The following ZMYND19 variants were observed in gnomAD, a reference collection of about 807,000 sequenced individuals.
ZMYND19 encodes zinc finger MYND-type containing 19, also known as zinc finger MYND domain-containing protein 19.
ZMYND19 carries 17 observed loss-of-function variants against 32.0 expected under a neutral mutation model. The observed-to-expected ratio is 0.53, with a 90% confidence interval of 0.36 to 0.80. The LOEUF is 0.80. Ranked by LOEUF, ZMYND19 falls within the 30% of genes least tolerant of loss-of-function variation. The probability of loss-of-function intolerance (pLI) is 0.00; values close to 1 mark genes in which losing one functional copy is unlikely to be tolerated. For synonymous variants in ZMYND19, 124 were observed against 113.6 expected (o/e 1.09, Z -0.58); for missense variants, 250 against 293.6 (o/e 0.85, Z 1.09).
chr9:137,588,823 G>GTGGAAAGTAAC, intron 1 of ZMYND19, 105 bp from the exon 2 acceptor site: 2 of 1,361,848 alleles, frequency 1.5e-6, no homozygotes, highest in Non-Finnish European at 2.1e-6. Flanking sequence ...TTCCTGTGAA[G>GTGGAAAGTAAC]TGGAAAGTAA....
At chr9:137,587,637 G>A in intron 3 of ZMYND19, 80 bp downstream of exon 3, 1 of 1,281,038 alleles carries the variant, frequency 7.8e-7, no homozygotes, top group Non-Finnish European at 1.1e-6. Flanking sequence ...AGCGGGGCAG[G>A]GGGCTCCAGG....
chr9:137,587,251 G>C (rs1842216283), intron 3 of ZMYND19, 144 bp from the exon 4 acceptor site: 2 of 1,360,612 alleles, frequency 1.5e-6, no homozygotes, highest in East Asian at 2.4e-5. Context: ...TTGGATGAGG[G>C]TACCTCAGGC....
intron 1 of ZMYND19, chr9:137,589,988 G>A (rs567577151): frequency 2.6e-5 from 26 of 985,266 alleles, no homozygotes; most frequent in Middle Eastern, 1.0e-3. Context: ...GCCGAGGGTG[G>A]CCAGGTGCAC....
intron 1 of ZMYND19, 87 bp from the exon 2 acceptor site, chr9:137,588,805 G>A (rs1238041908): frequency 6.6e-6 from 10 of 1,510,976 alleles, no homozygotes; most frequent in Middle Eastern, 1.7e-4. Context: ...GCAGGAGCCT[G>A]TTGCATTTTC....
rs1219465669 is a variant in ZMYND19 at position 137,589,024 on chromosome 9, A to G, written c.52-306T>C. ...CCCCAACAGTGGCACTGAACATTCA[A>G]CGCACCAATAAACCTAGGCAAAGAC... On this transcript the variant is annotated intron_variant, in intron 1 of 5. Transcript: ENST00000298585. 1.7e-5 allele frequency: 6 copies of G among 352,986 alleles called. No homozygotes were observed. In the Admixed American group the frequency reaches 2.1e-4, roughly 12 times the overall value. 21.9% of individuals were successfully genotyped at this position (352,986 alleles called of 1,614,324 possible).
chr9:137,589,329 G>A (rs975509079), intron 1 of ZMYND19: 12 of 985,264 alleles, frequency 1.2e-5, no homozygotes, highest in Non-Finnish European at 2.4e-6. Flanking sequence ...GCAGGGGCAG[G>A]AAACAGGAAC....
Position 137,587,835 on chromosome 9 carries a change from C to A in ZMYND19, c.112-12G>T. ...ACTTCCATTCGGGCCTGAGAAGGAACAAGGGAAAGAGCTGTTAAAAAACCT... is the reference window on the plus strand; with the variant it reads ...ACTTCCATTCGGGCCTGAGAAGGAAAAAGGGAAAGAGCTGTTAAAAAACCT... On this transcript the variant is annotated splice_polypyrimidine_tract_variant and intron_variant, in intron 2 of 5. Transcript: ENST00000298585. The A allele has an allele frequency of 6.2e-7, 1 of 1,612,646 alleles. No individual in the cohort carries two copies. Among genetic ancestry groups the A allele is most frequent in the Non-Finnish European group, 8.5e-7 (1 of 1,178,756 alleles).
chr9:137,584,426 T>C (rs942957803), intron 4 of ZMYND19, among the ~76,000 whole-genome samples: 9 of 152,216 alleles, frequency 5.9e-5, no homozygotes, highest in African/African-American at 2.2e-4. Flanking sequence ...TAACGGCAGT[T>C]ATCTCCTCTC....
chr9:137,588,434 T>A (rs1256598832), intron 2 of ZMYND19, among the ~76,000 whole-genome samples: 1 of 147,624 alleles, frequency 6.8e-6, no homozygotes, highest in Non-Finnish European at 1.5e-5. Context: ...AAGACCACTG[T>A]CGCCAGGCCA....
Position 137,583,103 on chromosome 9 carries a change from C to A in ZMYND19, c.420G>T (p.Gln140His). Residue 140 changes from glutamine (Q) to histidine (H), a missense_variant, in exon 5 of 6, where the codon CAG becomes CAT. Physicochemically the swap from Gln to His is conservative, Grantham distance 24. Coordinates refer to ENST00000298585, the MANE Select transcript of ZMYND19 (RefSeq NM_138462.3). ...ACCGGGTCACATTTAGGACAGGAAA[C>A]TGTTCTTCTATAGGGTCTGTAGGCA... ...QQLPTDPIEE[Q>H]FPVLNVTRYY... is the part of the protein sequence containing the mutation. 1.2e-6 allele frequency: 2 copies of A among 1,614,212 alleles called. No individual in the cohort carries two copies. Among genetic ancestry groups the A allele is most frequent in the Non-Finnish European group, 1.7e-6 (2 of 1,180,038 alleles).
Position 137,590,235 on chromosome 9 carries a change from C to T in ZMYND19, c.29G>A (p.Arg10Gln). The change falls in exon 1 of 6, where the codon CGG becomes CAG. Residue 10 changes from arginine to glutamine, a missense_variant. Transcript: ENST00000298585. The surrounding 1 kb of genome is among the most constrained non-coding windows in gnomAD (Gnocchi z 4.2). Reference protein sequence around the residue: MTDFKLGIVRLGRVAGKTKY... With the variant: MTDFKLGIVQLGRVAGKTKY... ...CACCTTCCCGGCCACCCGGCCGAGC[C>T]GCACGATACCCAATTTGAAGTCGGT... is the stretch of plus-strand genomic sequence containing the variant. 8.7e-7 allele frequency: 1 copy of T among 1,151,250 alleles called. No homozygotes were observed. Among genetic ancestry groups the T allele is most frequent in the Non-Finnish European group, 1.1e-6 (1 of 920,194 alleles). The allele number at this position is 1,151,250 out of a possible 1,614,324, so 71.3% of individuals were successfully genotyped here. A position where few individuals can be genotyped will look rare whatever the true frequency, so the allele number is the denominator to read the frequency against.
At chr9:137,585,565 A>G (rs1842195342) in intron 4 of ZMYND19, among the ~76,000 whole-genome samples, 1 of 152,162 alleles carries the variant, frequency 6.6e-6, no homozygotes, top group Admixed American at 6.6e-5. Context: ...CCAGCCCAAC[A>G]AGAACGAAAG....
chr9:137,590,331 G>GGCCGCGGCGCGCC lies in ZMYND19; in HGVS notation c.-81_-69dup, dbSNP rs953168947. 156 of 972,586 alleles carry GGCCGCGGCGCGCC rather than the reference G, an allele frequency of 1.6e-4. No homozygotes were observed. The highest frequency in any genetic ancestry group is 1.9e-4 in the Non-Finnish European group (152 of 813,170). The allele number at this position is 972,586 out of a possible 1,614,324, so 60.2% of individuals were successfully genotyped here. ...AGGCGCCGAGCGGGGGCCGGGGCGAGGCCGCGGCGCGCCGGGACAGGACGG... is the reference window on the plus strand; with the variant it reads ...AGGCGCCGAGCGGGGGCCGGGGCGAGGCCGCGGCGCGCCGCCGCGGCGCGCCGGGACAGGACGG... On this transcript the variant is annotated 5_prime_UTR_variant, in exon 1 of 6. Transcript: ENST00000298585. This position sits in a 1 kb window ranked among gnomAD's most constrained non-coding sequence, Gnocchi z 4.2.
At position 137,587,056 on chromosome 9, in the gene ZMYND19, G is replaced by T; in HGVS notation, c.270C>A (p.Asn90Lys). Residue 90 changes from asparagine (N) to lysine (K), a missense_variant, in exon 4 of 6, where the codon AAC (asparagine) becomes AAA (lysine). Coordinates refer to ENST00000298585, the MANE Select transcript of ZMYND19 (RefSeq NM_138462.3). The stretch of plus-strand genomic sequence containing the variant: ...CCAGGCGATTGTCCACGGTCACAGC[G>T]TTGAGGTGCACCACCTGGAAGCCCG... ...VAPGFQVVHL[N>K]AVTVDNRLDN... is the part of the protein sequence containing the mutation. 6.2e-7 allele frequency: 1 copy of T among 1,610,874 alleles called. No homozygotes were observed.
chr9:137,586,600 A>G (rs963368274), intron 4 of ZMYND19, among the ~76,000 whole-genome samples: 1 of 152,140 alleles, frequency 6.6e-6, no homozygotes, highest in African/African-American at 2.4e-5. Flanking sequence ...AGGAATCCTG[A>G]GGTGAGGAGA....
At chr9:137,585,410 G>A (rs1390340808) in intron 4 of ZMYND19, among the ~76,000 whole-genome samples, 2 of 109,608 alleles carry the variant, frequency 1.8e-5, no homozygotes, top group Non-Finnish European at 3.4e-5. Flanking sequence ...GCCAGACTCC[G>A]TCTCAAAAAA....
Position 137,590,307 on chromosome 9 carries a change from GGCGCCGA to G in ZMYND19, c.-51_-45del, listed in dbSNP as rs1842258798. The G allele has an allele frequency of 9.7e-7, 1 of 1,029,094 alleles. No individual in the cohort carries two copies. Among genetic ancestry groups the G allele is most frequent in the African/African-American group, 1.7e-5 (1 of 57,648 alleles). The allele number at this position is 1,029,094 out of a possible 1,614,324, so 63.7% of individuals were successfully genotyped here. A position where few individuals can be genotyped will look rare whatever the true frequency, so the allele number is the denominator to read the frequency against. On this transcript the variant is annotated 5_prime_UTR_variant, in exon 1 of 6. Transcript: ENST00000298585. The surrounding 1 kb of genome is among the most constrained non-coding windows in gnomAD (Gnocchi z 4.2). ...GGCCGGCAGCGCCGCTCCCTCGGGA[GGCGCCGA>G]GCGGGGGCCGGGGCGAGGCCGCGGC...
At chr9:137,589,677 C>T (rs1842248108) in intron 1 of ZMYND19, 12 of 985,496 alleles carry the variant, frequency 1.2e-5, no homozygotes, top group Non-Finnish European at 1.4e-5. Context: ...GAGTCTGAGG[C>T]TCAGCCTAAC....
chr9:137,588,614 C>A (rs1195779165), intron 2 of ZMYND19, 45 bp downstream of exon 2: 5 of 1,608,750 alleles, frequency 3.1e-6, no homozygotes, highest in Non-Finnish European at 4.3e-6. Flanking sequence ...CCCTCCTGGG[C>A]ACTGACCACG....
Sources: allele counts gnomAD v4.1 joint callset (sites outside exome capture counted in the v4.1 genomes callset), GRCh38; gene constraint gnomAD v4.1.1; non-coding constraint Gnocchi (gnomAD v3.1); transcripts MANE v1.5; gene names NCBI Gene and HGNC (gene_info 2026-07-23, HGNC 2026-07-21).